OPHN1: variants seen among roughly 807,000 people sequenced by gnomAD.
The protein encoded by OPHN1 is oligophrenin 1.
Under a neutral mutation model 60.7 loss-of-function variants are expected in OPHN1, and 11 were observed. The ratio of observed to expected loss-of-function variants is 0.18; its 90% CI spans 0.11 to 0.30. The LOEUF (loss-of-function observed/expected upper bound fraction) is 0.30. Ranked by LOEUF, OPHN1 falls within the 10% of genes least tolerant of loss-of-function variation. OPHN1 has a pLI of 1.00. For synonymous variants in OPHN1, 226 were observed against 222.6 expected (o/e 1.02, Z -0.14); for missense variants, 449 against 611.0 (o/e 0.73, Z 2.80).
intron 3 of OPHN1, 141 bp downstream of exon 3, chrX:68,298,860 T>C: frequency 5.0e-6 from 2 of 400,533 alleles, no homozygotes; most frequent in Non-Finnish European, 9.5e-6. Flanking sequence ...TCCTGATCCT[T>C]CCTAATCAAC....
intron 2 of OPHN1, among the ~76,000 whole-genome samples, chrX:68,407,574 T>C (rs2078749855): frequency 8.9e-6 from 1 of 111,996 alleles, no homozygotes; most frequent in Non-Finnish European, 1.9e-5. Flanking sequence ...CAATGGATCA[T>C]TATGGAGGTA....
At chrX:68,083,087 A>C (rs2076980901) in intron 19 of OPHN1, among the ~76,000 whole-genome samples, 1 of 13,628 alleles carries the variant, frequency 7.3e-5, no homozygotes, top group African/African-American at 1.6e-4. Flanking sequence ...TTTTTTTGAG[A>C]CGGAGTCTCG....
intron 4 of OPHN1, among the ~76,000 whole-genome samples, chrX:68,280,186 A>T (rs997502888): frequency 3.6e-5 from 4 of 111,671 alleles, no homozygotes; most frequent in African/African-American, 1.3e-4. Flanking sequence ...AACTAAGAAA[A>T]TTCCCAAATC....
chrX:68,393,885 G>GTGTTTTT (rs2078667033), intron 2 of OPHN1, among the ~76,000 whole-genome samples: 1 of 34,587 alleles, frequency 2.9e-5, no homozygotes, highest in Non-Finnish European at 4.9e-5. Context: ...AATAGACTTT[G>GTGTTTTT]TTTTTTTTTT....
intron 3 of OPHN1, among the ~76,000 whole-genome samples, chrX:68,296,103 G>C (rs191948135): frequency 2.7e-5 from 3 of 111,288 alleles, no homozygotes; most frequent in African/African-American, 9.8e-5. Flanking sequence ...GAAGCCTCCA[G>C]AGAGCCTCAG....
At chrX:68,363,498 G>A (rs2078483919) in intron 2 of OPHN1, among the ~76,000 whole-genome samples, 1 of 109,645 alleles carries the variant, frequency 9.1e-6, no homozygotes, top group Non-Finnish European at 1.9e-5. Flanking sequence ...TTTTAGTAGA[G>A]ATGGGGTTTT....
intron 2 of OPHN1, among the ~76,000 whole-genome samples, chrX:68,400,996 T>TA (rs2078711649): frequency 9.0e-6 from 1 of 111,282 alleles, no homozygotes; most frequent in African/African-American, 3.3e-5. Context: ...CACACACTTT[T>TA]AAAAAATCAG....
chrX:68,173,909 T>C (rs1019866048), intron 15 of OPHN1, among the ~76,000 whole-genome samples: 1 of 111,697 alleles, frequency 9.0e-6, no homozygotes, highest in Non-Finnish European at 1.9e-5. Flanking sequence ...TAATCTATCC[T>C]GTTAAAAGTC....
chrX:68,151,333 G>A (rs1035585856), intron 15 of OPHN1, among the ~76,000 whole-genome samples: 3 of 111,999 alleles, frequency 2.7e-5, no homozygotes, highest in Non-Finnish European at 5.6e-5. Flanking sequence ...GTTTGTCATC[G>A]TATATTCAAG....
chrX:68,250,115 T>C (rs1363847323), intron 5 of OPHN1, among the ~76,000 whole-genome samples: 1 of 111,933 alleles, frequency 8.9e-6, no homozygotes, highest in Non-Finnish European at 1.9e-5. Flanking sequence ...CCAAGGGAAA[T>C]TGCCTCATTG....
chrX:68,391,683 C>T (rs1244457038), intron 2 of OPHN1, among the ~76,000 whole-genome samples: 1 of 111,640 alleles, frequency 9.0e-6, no homozygotes, highest in Admixed American at 9.6e-5. Flanking sequence ...TTAGGATTAT[C>T]TTAGATTACC....
intron 6 of OPHN1, among the ~76,000 whole-genome samples, chrX:68,217,248 T>C (rs933295514): frequency 2.7e-5 from 3 of 111,786 alleles, no homozygotes; most frequent in Admixed American, 1.9e-4. Flanking sequence ...CACCACGAGA[T>C]TATATCCCGC....
chrX:68,214,946 G>A (rs938884240), intron 6 of OPHN1, among the ~76,000 whole-genome samples: 1 of 111,796 alleles, frequency 8.9e-6, no homozygotes, highest in Admixed American at 9.5e-5. Context: ...GCAGTGAGCC[G>A]AGATCGTGCC....
intron 2 of OPHN1, among the ~76,000 whole-genome samples, chrX:68,311,404 C>A (rs1255883562): frequency 8.9e-6 from 1 of 112,125 alleles, no homozygotes; most frequent in Admixed American, 9.5e-5. Context: ...CATGAAATCC[C>A]CAGAATACAT....
At chrX:68,208,160 G>A (rs1009331392) in intron 9 of OPHN1, among the ~76,000 whole-genome samples, 2 of 108,362 alleles carry the variant, frequency 1.8e-5, no homozygotes, top group Non-Finnish European at 3.8e-5. Context: ...GCACCATCTC[G>A]GCTGAGTAAA....
At chrX:68,247,029 A>G (rs938485129) in intron 5 of OPHN1, among the ~76,000 whole-genome samples, 3 of 111,794 alleles carry the variant, frequency 2.7e-5, no homozygotes, top group African/African-American at 9.7e-5. Context: ...ATGATCCCTC[A>G]TGAGATGGCA....
At chrX:68,142,049 C>T (rs752082134) in intron 15 of OPHN1, among the ~76,000 whole-genome samples, 29 of 111,708 alleles carry the variant, frequency 2.6e-4, no homozygotes, top group African/African-American at 9.4e-4. Context: ...TGTTCACAAC[C>T]GGGGCCCCTG....
At chrX:68,151,831 T>C (rs1297465097) in intron 15 of OPHN1, among the ~76,000 whole-genome samples, 1 of 111,565 alleles carries the variant, frequency 9.0e-6, no homozygotes, top group East Asian at 2.8e-4. Flanking sequence ...TCAGACTAGG[T>C]AATTTATAAA....
At position 68,393,133 on chromosome X, in the gene OPHN1, G is replaced by C. The variant is rs181817540; in HGVS notation, c.154+39734C>G. Among the ~76,000 whole-genome samples the C allele has an allele frequency of 1.5e-3, 168 of 112,246 alleles. 1 individual carries two copies. The highest frequency in any genetic ancestry group is 5.1e-3 in the African/African-American group (157 of 30,966). ...TGTTCACCTGCATGCTCCGCTTCCC[G>C]TAAGGGGTTTGAGCAGCGGCAGCGA... On this transcript the variant is annotated intron_variant, in intron 2 of 24. Coordinates refer to ENST00000355520, the MANE Select transcript of OPHN1 (RefSeq NM_002547.3).
Sources: gnomAD v4.1 joint callset for allele counts (sites outside exome capture counted in the v4.1 genomes callset) on GRCh38, gnomAD v4.1.1 for gene constraint, MANE v1.5 for transcripts, NCBI Gene and HGNC (gene_info 2026-07-23, HGNC 2026-07-21) for gene names.